Variants in MYH15 observed in about 807,000 individuals in gnomAD.
MYH15 encodes myosin heavy chain 15.
MYH15 carries 227 observed loss-of-function variants against 240.5 expected under a neutral mutation model. The ratio of observed to expected loss-of-function variants is 0.94; its 90% CI spans 0.85 to 1.05. The LOEUF is 1.05. MYH15 is among the 50% of genes least tolerant of loss of function. MYH15 has a pLI of 0.00. For synonymous variants in MYH15, 785 were observed against 796.7 expected, an observed-to-expected ratio of 0.99 and a Z score of 0.25; for missense variants, 2,217 against 2,247.5, an observed-to-expected ratio of 0.99 and a Z score of 0.27.
At chr3:108,454,555 T>C (rs2083003740) in intron 20 of MYH15, among the ~76,000 whole-genome samples, 1 of 152,152 alleles carries the variant, frequency 6.6e-6, no homozygotes, top group African/African-American at 2.4e-5. Flanking sequence ...ACAATCTCTG[T>C]AGGATATTCT....
At chr3:108,422,925 G>T (rs2082694677) in intron 27 of MYH15, among the ~76,000 whole-genome samples, 1 of 152,126 alleles carries the variant, frequency 6.6e-6, no homozygotes, top group Non-Finnish European at 1.5e-5. Flanking sequence ...TGGAACCTAC[G>T]CTCTGTTTAA....
Position 108,398,943 on chromosome 3 carries a change from G to C in MYH15, c.4930-103C>G, listed in dbSNP as rs181132693. 1.4e-4 allele frequency: 199 copies of C among 1,439,344 alleles called. 1 individual carries two copies. The East Asian group carries it at 4.0e-3, about 29-fold the overall frequency. 89.2% of individuals were successfully genotyped at this position (1,439,344 alleles called of 1,614,324 possible). A position where few individuals can be genotyped will look rare whatever the true frequency, so the allele number is the denominator to read the frequency against. On this transcript the variant is annotated intron_variant, in intron 34 of 40. Transcript: ENST00000693548. Reference sequence around the variant, plus strand: ...TGACTATATATTTAGACATAAGCATGCTCCTTCTCTCTGGAAAGATTAGAT... The same window carrying C: ...TGACTATATATTTAGACATAAGCATCCTCCTTCTCTCTGGAAAGATTAGAT...
At chr3:108,414,183 C>T (rs766711208) in intron 30 of MYH15, 49 bp downstream of exon 30, 1 of 1,562,760 alleles carries the variant, frequency 6.4e-7, no homozygotes, top group Non-Finnish European at 8.8e-7. Flanking sequence ...TATTCTCATA[C>T]TGCTCCATGT....
At chr3:108,467,986 G>A (rs1351509418) in intron 14 of MYH15, among the ~76,000 whole-genome samples, 1 of 147,720 alleles carries the variant, frequency 6.8e-6, no homozygotes, top group East Asian at 2.0e-4. Context: ...TTTTTTTTGA[G>A]ATAGAATCTC....
intron 11 of MYH15, 125 bp downstream of exon 11, chr3:108,484,966 C>G: frequency 9.8e-7 from 1 of 1,022,956 alleles, no homozygotes; most frequent in Non-Finnish European, 1.4e-6. Context: ...TTTTGAAGAA[C>G]AGCAATCAAG....
At chr3:108,469,345 A>T (rs957668007) in intron 14 of MYH15, among the ~76,000 whole-genome samples, 8 of 152,234 alleles carry the variant, frequency 5.3e-5, no homozygotes, top group Non-Finnish European at 1.2e-4. Context: ...CCCAAGAGGC[A>T]TGTAACTGCT....
At chr3:108,476,563 T>A in intron 11 of MYH15, 48 bp from the exon 12 acceptor site, 1 of 1,221,654 alleles carries the variant, frequency 8.2e-7, no homozygotes, top group Non-Finnish European at 1.2e-6. Context: ...AAAACACTGT[T>A]AAGATTCATT....
the MYH15 span, among the ~76,000 whole-genome samples, chr3:108,539,755 A>T: frequency 6.6e-6 from 1 of 152,162 alleles, no homozygotes; most frequent in African/African-American, 2.4e-5. Context: ...TAGAGATAAT[A>T]TTATCTGAAC....
intron 32 of MYH15, 129 bp downstream of exon 32, chr3:108,408,151 G>T: frequency 9.8e-7 from 1 of 1,018,484 alleles, no homozygotes; most frequent in Non-Finnish European, 1.4e-6. Flanking sequence ...TATGCATTTG[G>T]CAGAGTGCCT....
intron 38 of MYH15, among the ~76,000 whole-genome samples, chr3:108,385,193 A>G (rs2082372132): frequency 6.6e-6 from 1 of 152,258 alleles, no homozygotes; most frequent in African/African-American, 2.4e-5. Context: ...AGCTATAGCT[A>G]AATAAAAAGC....
chr3:108,455,926 G>T, intron 19 of MYH15, 67 bp from the exon 20 acceptor site: 1 of 1,463,964 alleles, frequency 6.8e-7, no homozygotes, highest in Non-Finnish European at 9.5e-7. Context: ...GACTAATCTA[G>T]ACAAATGAGG....
chr3:108,488,819 C>A (rs1381004170), intron 9 of MYH15, among the ~76,000 whole-genome samples: 2 of 152,212 alleles, frequency 1.3e-5, no homozygotes, highest in Non-Finnish European at 2.9e-5. Context: ...ATGACTGGAT[C>A]ATATGGTAGT....
At chr3:108,437,264 C>T (rs372156172) in intron 25 of MYH15, among the ~76,000 whole-genome samples, 41 of 148,566 alleles carry the variant, frequency 2.8e-4, no homozygotes, top group East Asian at 1.2e-3. Flanking sequence ...ATTTTTTTGA[C>T]GTATAGCTGC....
At chr3:108,495,126 G>A (rs563334836) in intron 7 of MYH15, among the ~76,000 whole-genome samples, 37 of 152,230 alleles carry the variant, frequency 2.4e-4, no homozygotes, top group African/African-American at 7.9e-4. Flanking sequence ...AATTATGCCC[G>A]GAGACTCAAA....
Position 108,495,871 on chromosome 3 carries a change from C to T in MYH15, c.620G>A (p.Gly207Glu). Reference protein sequence around the residue: ...AAMIESRKKQGALEDQIMQAN... With the variant: ...AAMIESRKKQEALEDQIMQAN... ...TTGCATGATTTGATCTTCTAACGCC[C>T]CCTGAGACACATGCAAGAGAAGTAC... Residue 207 changes from glycine to glutamate, a missense_variant and splice_region_variant, in exon 7 of 41, where the codon GGG (glycine) becomes GAG (glutamate). Gly to Glu is a moderately conservative substitution (Grantham distance 98). Transcript: ENST00000693548. 6.2e-7 allele frequency: 1 copy of T among 1,603,092 alleles called. No individual in the cohort carries two copies. The highest frequency in any genetic ancestry group is 8.5e-7 in the Non-Finnish European group (1 of 1,174,520).
rs1459820516 is a variant in MYH15 at position 108,428,624 on chromosome 3, G to A, written c.3570C>T (p.Asp1190=). The A allele has an allele frequency of 1.2e-5, 19 of 1,613,606 alleles. No individual in the cohort carries two copies. The highest frequency in any genetic ancestry group is 1.6e-5 in the Non-Finnish European group (19 of 1,179,994). The change falls in exon 27 of 41, where the codon GAC becomes GAT. Residue 1190 remains aspartate, a synonymous_variant. Coordinates refer to ENST00000693548, the MANE Select transcript of MYH15 (RefSeq NM_014981.3). The part of the protein sequence containing the change: ...TSASLKKRHA[D]SLAELEGQVE... ...CCTGGCCCTCGAGCTCAGCCAGGCT[G>A]TCTGCATGTCTCTTCTTCAAAGATG... is the stretch of plus-strand genomic sequence containing the variant.
At chr3:108,407,962 C>A (rs2082558696) in intron 32 of MYH15, among the ~76,000 whole-genome samples, 1 of 152,144 alleles carries the variant, frequency 6.6e-6, no homozygotes, top group Non-Finnish European at 1.5e-5. Flanking sequence ...GTCCATGGGC[C>A]ACATGTTGAG....
chr3:108,432,624 G>T (rs1265064684), intron 25 of MYH15, among the ~76,000 whole-genome samples: 3 of 152,136 alleles, frequency 2.0e-5, no homozygotes, highest in Admixed American at 2.0e-4. Flanking sequence ...TGGGCCCAGG[G>T]TCCCCGTGCT....
intron 24 of MYH15, among the ~76,000 whole-genome samples, chr3:108,438,105 A>T (rs2082856455): frequency 6.6e-6 from 1 of 152,218 alleles, no homozygotes; most frequent in Admixed American, 6.5e-5. Flanking sequence ...TTCTATCCAC[A>T]AGTACAAGCT....
Sources: gnomAD v4.1 joint callset for allele counts (sites outside exome capture counted in the v4.1 genomes callset) on GRCh38, gnomAD v4.1.1 for gene constraint, MANE v1.5 for transcripts, NCBI Gene and HGNC (gene_info 2026-07-23, HGNC 2026-07-21) for gene names.